The following MLXIP variants were observed in gnomAD, a reference collection of about 807,000 sequenced individuals.
The protein encoded by MLXIP is MLX-interacting protein.
A neutral mutation model predicts 87.2 loss-of-function variants in MLXIP; 30 were observed. The ratio of observed to expected loss-of-function variants is 0.34; its 90% confidence interval spans 0.26 to 0.47. The LOEUF (loss-of-function observed/expected upper bound fraction) is 0.47, where lower values mean the gene tolerates loss of function less well. Among genes scored for constraint, MLXIP ranks in the 20% least tolerant of loss-of-function variants. The pLI, the probability that MLXIP is intolerant of heterozygous loss-of-function variation, is 1.00. For missense variants in MLXIP, 1,002 were observed against 1,240.1 expected, an observed-to-expected ratio of 0.81 and a Z score of 2.88; for synonymous variants, 530 against 514.0, an observed-to-expected ratio of 1.03 and a Z score of -0.42.
rs528913163 is a variant in MLXIP at position 122,138,600 on chromosome 12, AG to A, written c.2384+52del. Reference sequence around the variant, plus strand: ...CCAACCAGGCACCCCATCCCGATGCAGGGCCTGCCTCAGAGGTGGTGGGACC... The same window carrying A: ...CCAACCAGGCACCCCATCCCGATGCAGGCCTGCCTCAGAGGTGGTGGGACC... On this transcript the variant is annotated intron_variant, in intron 14 of 16. Transcript: ENST00000319080. 1.3e-4 allele frequency: 209 copies of A among 1,575,796 alleles called. No homozygotes were observed. In the East Asian group the frequency reaches 4.3e-3, roughly 32 times the overall value.
At chr12:122,122,850 TTTTC>T (rs1404145061) in intron 1 of MLXIP, among the ~76,000 whole-genome samples, 1 of 131,018 alleles carries the variant, frequency 7.6e-6, no homozygotes. Context: ...CCCGGCCTTC[TTTTC>T]TTTTTCTTTT....
chr12:122,126,756 G>A (rs975312455), intron 1 of MLXIP, among the ~76,000 whole-genome samples: 2 of 152,144 alleles, frequency 1.3e-5, no homozygotes, highest in African/African-American at 2.4e-5. Flanking sequence ...TGCTGCCACC[G>A]CACACACCAG....
intron 1 of MLXIP, among the ~76,000 whole-genome samples, chr12:122,084,799 C>T (rs544239558): frequency 1.5e-4 from 23 of 152,150 alleles, no homozygotes; most frequent in Non-Finnish European, 2.2e-4. Flanking sequence ...CGGCCAGTCT[C>T]GGCCTCCCAA....
In MLXIP at chr12:122,130,060, C is replaced by T. The variant is rs2135974460; in HGVS notation, c.858C>T (p.Phe286=). Residue 286 remains phenylalanine, a synonymous_variant, in exon 6 of 17, where the codon TTC becomes TTT. Coordinates refer to ENST00000319080, the MANE Select transcript of MLXIP (RefSeq NM_014938.6). ...MLMSEFSDTL[F]STLSSHQPVA... ...TGTCGGAATTCAGCGACACCCTCTT[C>T]TCCACACTTTCTTCACACCAGCCGG... is the stretch of plus-strand genomic sequence containing the variant. 3 of 1,613,980 alleles carry T rather than the reference C, an allele frequency of 1.9e-6. No individual in the cohort carries two copies. The highest frequency in any genetic ancestry group is 1.1e-5 in the South Asian group (1 of 91,068).
In MLXIP at chr12:122,099,668, G is replaced by A. The variant is rs142907812; in HGVS notation, c.413+20402G>A. Reference sequence around the variant, plus strand: ...CTGCTGAACTCCCTCAGGGGGAGGAGCAGAGCCTCAGGGCTTTGGCTTTCT... The same window carrying A: ...CTGCTGAACTCCCTCAGGGGGAGGAACAGAGCCTCAGGGCTTTGGCTTTCT... On this transcript the variant is annotated intron_variant, in intron 1 of 16. Coordinates refer to ENST00000319080, the MANE Select transcript of MLXIP (RefSeq NM_014938.6). Among the ~76,000 whole-genome samples the A allele has an allele frequency of 1.9e-4, 29 of 152,388 alleles. No homozygotes were observed. In the East Asian group the frequency reaches 4.8e-3, roughly 25 times the overall value.
At chr12:122,097,210 G>T (rs1952366790) in intron 1 of MLXIP, among the ~76,000 whole-genome samples, 1 of 152,100 alleles carries the variant, frequency 6.6e-6, no homozygotes, top group Non-Finnish European at 1.5e-5. Context: ...CTGTCACCCA[G>T]GCTGGAGTGC....
intron 1 of MLXIP, among the ~76,000 whole-genome samples, chr12:122,084,495 G>T (rs1286035136): frequency 6.6e-6 from 1 of 152,136 alleles, no homozygotes; most frequent in Non-Finnish European, 1.5e-5. Flanking sequence ...GAAGAAAAGA[G>T]AATTCACACA....
chr12:122,114,975 G>A (rs1952666757), intron 1 of MLXIP, among the ~76,000 whole-genome samples: 1 of 151,784 alleles, frequency 6.6e-6, no homozygotes. Flanking sequence ...TTGAACTCCT[G>A]ACCTCAAATG....
intron 16 of MLXIP, 61 bp from the exon 17 acceptor site, chr12:122,141,630 G>C (rs550614186): frequency 6.3e-7 from 1 of 1,590,740 alleles, no homozygotes; most frequent in Admixed American, 1.7e-5. Flanking sequence ...GTACAAAGCC[G>C]AGTGTGCGGT....
chr12:122,128,223 G>C (rs1952913532), intron 3 of MLXIP: 1 of 426,686 alleles, frequency 2.3e-6, no homozygotes. Context: ...TTTTTAAAGT[G>C]TGTGTCTATG....
rs139078759 is a variant in MLXIP at position 122,142,584 on chromosome 12, C to T, written c.*772C>T. The T allele has an allele frequency of 2.9e-4, 92 of 318,160 alleles. No individual in the cohort carries two copies. Among genetic ancestry groups the T allele is most frequent in the African/African-American group, 1.7e-3 (79 of 46,348 alleles). The allele number at this position is 318,160 out of a possible 1,614,324, so 19.7% of individuals were successfully genotyped here. On this transcript the variant is annotated 3_prime_UTR_variant, in exon 17 of 17. Transcript: ENST00000319080. ...ATGGGGACTCAGCCCAGGGCCTTCT[C>T]GGATGTCACCTCACCGCTGTGGCCC...
rs983117478 is a variant in MLXIP, at chr12:122,144,204, C to G, written c.*2392C>G. 1.3e-5 allele frequency: 2 copies of G among 152,582 alleles called. No individual in the cohort carries two copies. The highest frequency in any genetic ancestry group is 4.8e-5 in the African/African-American group (2 of 41,420). 9.5% of individuals were successfully genotyped at this position (152,582 alleles called of 1,614,324 possible). Reference sequence around the variant, plus strand: ...CAGTGGGTGCTGACCACAGGATGGGCTTTGTTTACACTCATTTTCACCCTG... The same window carrying G: ...CAGTGGGTGCTGACCACAGGATGGGGTTTGTTTACACTCATTTTCACCCTG... On this transcript the variant is annotated 3_prime_UTR_variant, in exon 17 of 17. Coordinates refer to ENST00000319080, the MANE Select transcript of MLXIP (RefSeq NM_014938.6).
At chr12:122,079,561 G>T (rs1413656186) in intron 1 of MLXIP, among the ~76,000 whole-genome samples, 1 of 152,178 alleles carries the variant, frequency 6.6e-6, no homozygotes, top group Non-Finnish European at 1.5e-5. Context: ...ATAAACACTG[G>T]CTGCATCTTG....
rs773829174 is a variant in MLXIP at position 122,137,434 on chromosome 12, G to C, written c.2033-35G>C. On this transcript the variant is annotated intron_variant, in intron 11 of 16. Transcript: ENST00000319080. The surrounding 1 kb of genome is among the most constrained non-coding windows in gnomAD (Gnocchi z 4.1). ...GCCTCCTGGTGGCGTTGAGGGGCCAGGCCTCCGCCCCTCAGAGGAGTCTGT... is the reference window on the plus strand; with the variant it reads ...GCCTCCTGGTGGCGTTGAGGGGCCACGCCTCCGCCCCTCAGAGGAGTCTGT... 1 of 1,596,778 alleles carries C rather than the reference G, an allele frequency of 6.3e-7. No individual in the cohort carries two copies. Among genetic ancestry groups the C allele is most frequent in the Non-Finnish European group, 8.5e-7 (1 of 1,171,174 alleles).
rs143713957 is a variant in MLXIP at position 122,083,461 on chromosome 12, C to G, written c.413+4195C>G. On this transcript the variant is annotated intron_variant, in intron 1 of 16. Coordinates refer to ENST00000319080, the MANE Select transcript of MLXIP (RefSeq NM_014938.6). ...CGGAGTTTCGCTCATGTTGCCCAGT[C>G]TGGAGTGCAATGGTGCGATCTCGGC... Among the ~76,000 whole-genome samples, 993 of 151,818 alleles carry G rather than the reference C, an allele frequency of 6.5e-3. 10 individuals carry two copies. The highest frequency in any genetic ancestry group is 0.022 in the African/African-American group (929 of 41,360).
intron 1 of MLXIP, among the ~76,000 whole-genome samples, chr12:122,105,705 T>C (rs908390734): frequency 6.6e-6 from 1 of 151,586 alleles, no homozygotes; most frequent in Non-Finnish European, 1.5e-5. Context: ...ACTTCCCTTT[T>C]AGAGGCGGAG....
chr12:122,121,727 CAATTT>C (rs1008095293), intron 1 of MLXIP, among the ~76,000 whole-genome samples: 2 of 152,168 alleles, frequency 1.3e-5, no homozygotes, highest in Non-Finnish European at 2.9e-5. Context: ...GCAAGGCTTG[CAATTT>C]AATTTCCTTC....
At position 122,139,963 on chromosome 12, in the gene MLXIP, C is replaced by T. The variant is rs1285052287; in HGVS notation, c.2509-991C>T. 5.9e-5 allele frequency among the ~76,000 whole-genome samples: 9 copies of T among 152,300 alleles called. No individual in the cohort carries two copies. The East Asian group carries it at 1.5e-3, about 26-fold the overall frequency. On this transcript the variant is annotated intron_variant, in intron 15 of 16. Coordinates refer to ENST00000319080, the MANE Select transcript of MLXIP (RefSeq NM_014938.6). ...TGCTGGGATTACAGGCGTGAGCCAC[C>T]GTGCCCGGCCATAAGAGGCAGTTTT...
chr12:122,128,042 C>A, intron 3 of MLXIP, 74 bp downstream of exon 3: 1 of 1,312,910 alleles, frequency 7.6e-7, no homozygotes. Context: ...TCACCGCGGG[C>A]TGGTCCTGTA....
Sources: allele counts gnomAD v4.1 joint callset (sites outside exome capture counted in the v4.1 genomes callset), GRCh38; gene constraint gnomAD v4.1.1; non-coding constraint Gnocchi (gnomAD v3.1); transcripts MANE v1.5; gene names NCBI Gene and HGNC (gene_info 2026-07-23, HGNC 2026-07-21).